HCRTR2: variants seen among roughly 807,000 people sequenced by gnomAD.
The protein encoded by HCRTR2 is hypocretin receptor 2, also known as orexin receptor type 2.
In HCRTR2, 22 loss-of-function variants were observed where a neutral mutation model predicts 49.0. The observed-to-expected ratio is 0.45, with a 90% CI of 0.32 to 0.64. The LOEUF (loss-of-function observed/expected upper bound fraction) is 0.64, where lower values mean the gene tolerates loss of function less well. Among genes scored for constraint, HCRTR2 ranks in the 30% least tolerant of loss-of-function variants. The pLI, the probability that HCRTR2 is intolerant of heterozygous loss-of-function variation, is 0.04. For missense variants in HCRTR2, 491 were observed against 559.4 expected (o/e 0.88, Z 1.23); for synonymous variants, 236 against 205.3 (o/e 1.15, Z -1.28).
intron 1 of HCRTR2, among the ~76,000 whole-genome samples, chr6:55,148,776 A>T (rs1764627247): frequency 6.6e-6 from 1 of 152,136 alleles, no homozygotes; most frequent in Admixed American, 6.6e-5. Flanking sequence ...TTATATGAGC[A>T]TTTGAAGAGG....
At chr6:55,244,595 T>C (rs1248840650) in intron 1 of HCRTR2, among the ~76,000 whole-genome samples, 1 of 152,026 alleles carries the variant, frequency 6.6e-6, no homozygotes, top group East Asian at 1.9e-4. Context: ...GTTGTATAAA[T>C]TTAGTGTGCT....
At chr6:55,120,737 C>T (rs182817858) in intron 1 of HCRTR2, among the ~76,000 whole-genome samples, 1 of 151,866 alleles carries the variant, frequency 6.6e-6, no homozygotes, top group Admixed American at 6.6e-5. Context: ...ATTTGAATAC[C>T]ATTTATTGCT....
At chr6:55,144,305 G>T (rs564843139) in intron 1 of HCRTR2, among the ~76,000 whole-genome samples, 1 of 151,628 alleles carries the variant, frequency 6.6e-6, no homozygotes, top group Non-Finnish European at 1.5e-5. Flanking sequence ...TAGTAGGGAC[G>T]GGGTTTCTCC....
chr6:55,276,832 C>G (rs1235394941), intron 4 of HCRTR2, among the ~76,000 whole-genome samples: 1 of 152,118 alleles, frequency 6.6e-6, no homozygotes, highest in East Asian at 1.9e-4. Flanking sequence ...ACAAAAAATA[C>G]TTGATTTTTT....
At chr6:55,152,836 A>G (rs915633200) in intron 1 of HCRTR2, among the ~76,000 whole-genome samples, 1 of 152,020 alleles carries the variant, frequency 6.6e-6, no homozygotes, top group Admixed American at 6.6e-5. Flanking sequence ...ATGGTTACCA[A>G]GTATTTTATT....
chr6:55,233,445 G>T (rs1046354222), intron 1 of HCRTR2, among the ~76,000 whole-genome samples: 9 of 151,862 alleles, frequency 5.9e-5, no homozygotes, highest in African/African-American at 1.9e-4. Context: ...TCATTTGAAC[G>T]TCAAAAATTC....
chr6:55,252,614 G>T (rs1287586267), intron 2 of HCRTR2, among the ~76,000 whole-genome samples: 1 of 152,048 alleles, frequency 6.6e-6, no homozygotes, highest in Admixed American at 6.6e-5. Context: ...AGGTGATACT[G>T]GTTTGAGAAA....
chr6:55,155,124 A>G (rs760933823), intron 1 of HCRTR2, among the ~76,000 whole-genome samples: 3 of 151,946 alleles, frequency 2.0e-5, no homozygotes, highest in Non-Finnish European at 4.4e-5. Flanking sequence ...TGGAAGAATT[A>G]ATATTGCTAA....
At chr6:55,209,583 C>T (rs1581831213) in intron 1 of HCRTR2, among the ~76,000 whole-genome samples, 1 of 152,280 alleles carries the variant, frequency 6.6e-6, no homozygotes, top group South Asian at 2.1e-4. Context: ...GCTGTTCACA[C>T]TTTTAAACTA....
intron 1 of HCRTR2, among the ~76,000 whole-genome samples, chr6:55,246,176 C>G (rs923227894): frequency 6.6e-6 from 1 of 151,992 alleles, no homozygotes; most frequent in Non-Finnish European, 1.5e-5. Flanking sequence ...CTGCTGACAC[C>G]TTGATTTGAG....
At chr6:55,118,917 C>T (rs1457072825) in intron 1 of HCRTR2, among the ~76,000 whole-genome samples, 1 of 151,834 alleles carries the variant, frequency 6.6e-6, no homozygotes, top group Non-Finnish European at 1.5e-5. Context: ...AGGTATTTCT[C>T]CTTATGCTAT....
chr6:55,153,039 C>A (rs1343059482), intron 1 of HCRTR2, among the ~76,000 whole-genome samples: 2 of 151,882 alleles, frequency 1.3e-5, no homozygotes, highest in African/African-American at 2.4e-5. Flanking sequence ...AAGTTTAAAT[C>A]TAATTCACTG....
Position 55,187,943 on chromosome 6 carries a change from A to AT in HCRTR2, c.223+13142dup, listed in dbSNP as rs1158902235. 5.3e-5 allele frequency among the ~76,000 whole-genome samples: 8 copies of AT among 150,594 alleles called. No individual in the cohort carries two copies. In the East Asian group the frequency reaches 9.8e-4, roughly 18 times the overall value. ...AGGCGCACGCCACCATGCCCGGCTA[A>AT]TTTTTTTTTCTTGTATTTTTAGTAG... On this transcript the variant is annotated intron_variant, in intron 1 of 6. Coordinates refer to ENST00000370862, the MANE Select transcript of HCRTR2 (RefSeq NM_001384272.1).
upstream of HCRTR2, among the ~76,000 whole-genome samples, chr6:55,170,239 A>G (rs1035711969): frequency 6.7e-6 from 1 of 148,964 alleles, no homozygotes; most frequent in African/African-American, 2.4e-5. Context: ...TACTTATACA[A>G]TATATTTATT....
intron 1 of HCRTR2, among the ~76,000 whole-genome samples, chr6:55,119,668 T>C (rs964637806): frequency 1.3e-5 from 2 of 151,986 alleles, no homozygotes; most frequent in African/African-American, 2.4e-5. Flanking sequence ...TTCTGGATAT[T>C]AGCCCTTTGT....
intron 1 of HCRTR2, among the ~76,000 whole-genome samples, chr6:55,210,427 T>C (rs1232817317): frequency 6.6e-6 from 1 of 152,038 alleles, no homozygotes; most frequent in Non-Finnish European, 1.5e-5. Context: ...ACTGAATATA[T>C]CAGGGGTGGA....
intron 2 of HCRTR2, among the ~76,000 whole-genome samples, chr6:55,252,565 A>C (rs1011304671): frequency 1.5e-4 from 23 of 152,086 alleles, no homozygotes; most frequent in Non-Finnish European, 3.4e-4. Context: ...CTAGGTGCTT[A>C]ACTTATTTGC....
chr6:55,240,693 A>G, intron 1 of HCRTR2: 1 of 305,622 alleles, frequency 3.3e-6, no homozygotes, highest in South Asian at 2.7e-5. Context: ...GATTTGGTGG[A>G]GAGTTTGTTT....
At chr6:55,145,554 A>G (rs772620096) in intron 1 of HCRTR2, among the ~76,000 whole-genome samples, 3 of 151,578 alleles carry the variant, frequency 2.0e-5, no homozygotes, top group Admixed American at 6.6e-5. Context: ...GGGACTACAG[A>G]CGCCCGCCAC....
Sources: gnomAD v4.1 joint callset for allele counts (sites outside exome capture counted in the v4.1 genomes callset) on GRCh38, gnomAD v4.1.1 for gene constraint, MANE v1.5 for transcripts, NCBI Gene and HGNC (gene_info 2026-07-23, HGNC 2026-07-21) for gene names.